The following TNS2 variants were observed in gnomAD, a reference collection of about 807,000 sequenced individuals.
The protein encoded by TNS2 is tensin-2.
Under a neutral mutation model 155.7 loss-of-function variants are expected in TNS2, and 77 were observed. That is an observed-to-expected ratio of 0.49 (90% CI 0.41 to 0.60). TNS2 has a LOEUF of 0.60. Among genes scored for constraint, TNS2 ranks in the 20% least tolerant of loss-of-function variants. The probability of loss-of-function intolerance (pLI) is 0.00; values close to 1 mark genes in which losing one functional copy is unlikely to be tolerated. For missense variants in TNS2, 1,703 were observed against 1,868.8 expected (o/e 0.91, Z 1.64); for synonymous variants, 726 against 763.9 (o/e 0.95, Z 0.82).
chr12:53,061,463 G>T lies in TNS2; in HGVS notation c.3442G>T (p.Asp1148Tyr). 1 of 1,614,044 alleles carries T rather than the reference G, an allele frequency of 6.2e-7. No individual in the cohort carries two copies. The highest frequency in any genetic ancestry group is 1.1e-5 in the South Asian group (1 of 91,076). Residue 1148 changes from aspartate (D) to tyrosine (Y), a missense_variant, in exon 21 of 29, where the codon GAC becomes TAC. Physicochemically the swap from Asp to Tyr is radical, Grantham distance 160. Coordinates refer to ENST00000314250, the MANE Select transcript of TNS2 (RefSeq NM_170754.4). Reference sequence around the variant, plus strand: ...CTGGTACAAGCCACACCTGTCCCGTGACCAAGGTGAGAAGCCAGCCTGCCC... The same window carrying T: ...CTGGTACAAGCCACACCTGTCCCGTTACCAAGGTGAGAAGCCAGCCTGCCC... ...KFWYKPHLSRDQAIALLKDKD... is the reference protein window; with the variant it reads ...KFWYKPHLSRYQAIALLKDKD...
At chr12:53,057,210 A>C (rs1944192073) in intron 11 of TNS2, 114 bp downstream of exon 11, 1 of 1,174,024 alleles carries the variant, frequency 8.5e-7, no homozygotes, top group Non-Finnish European at 1.2e-6. Context: ...GCGCCGTGCC[A>C]GGTGCTGAGA....
At chr12:53,056,894 C>G (rs116376439) in intron 10 of TNS2, 119 bp from the exon 11 acceptor site, 13 of 937,884 alleles carry the variant, frequency 1.4e-5, no homozygotes, top group Non-Finnish European at 2.0e-5. Context: ...ATTACCACTA[C>G]TCTGGGCTTC....
At chr12:53,055,106 T>C in intron 7 of TNS2, 80 bp from the exon 8 acceptor site, 1 of 1,506,054 alleles carries the variant, frequency 6.6e-7, no homozygotes, top group African/African-American at 1.4e-5. Flanking sequence ...TAGAGGAAGA[T>C]TCTTACTTAG....
intron 24 of TNS2, 24 bp downstream of exon 24, chr12:53,062,477 C>T (rs780533217): frequency 2.5e-6 from 4 of 1,612,734 alleles, no homozygotes; most frequent in Admixed American, 3.3e-5. Flanking sequence ...CATCTGTCCT[C>T]CCCACCTCTC....
In TNS2 at chr12:53,063,726, C is replaced by A; in HGVS notation, c.4092-18C>A. On this transcript the variant is annotated intron_variant, in intron 28 of 28. Coordinates refer to ENST00000314250, the MANE Select transcript of TNS2 (RefSeq NM_170754.4). This position sits in a 1 kb window ranked among gnomAD's most constrained non-coding sequence, Gnocchi z 5.6. ...TGGAAGGAATGTTAAGCCCCTTCCC[C>A]ACCCTTTATCCCCCTAGGATCTTTG... The A allele has an allele frequency of 6.2e-7, 1 of 1,613,836 alleles. No homozygotes were observed.
At position 53,057,678 on chromosome 12, in the gene TNS2, A is replaced by G; in HGVS notation, c.957A>G (p.Thr319=). 1 of 1,614,150 alleles carries G rather than the reference A, an allele frequency of 6.2e-7. No homozygotes were observed. Among genetic ancestry groups the G allele is most frequent in the Non-Finnish European group, 8.5e-7 (1 of 1,179,986 alleles). ...TGCTGCCAGCCTTTGAACCTGGCAC[A>G]GGTGAGTCTGCCTGAGATGTGCTCC... ...IPMLPAFEPG[T]GFQPFLKIYQ... The change falls in exon 12 of 29, where the codon ACA becomes ACG. Residue 319 remains threonine, a splice_region_variant and synonymous_variant. Transcript: ENST00000314250.
In TNS2 at chr12:53,059,515, G is replaced by A; in HGVS notation, c.1874G>A (p.Gly625Asp). The change falls in exon 18 of 29, where the codon GGC (glycine) becomes GAC (aspartate). Residue 625 changes from glycine (G) to aspartate (D), a missense_variant. Physicochemically the swap from Gly to Asp is moderately conservative, Grantham distance 94 (BLOSUM62 -1). Coordinates refer to ENST00000314250, the MANE Select transcript of TNS2 (RefSeq NM_170754.4). The surrounding 1 kb of genome is among the most constrained non-coding windows in gnomAD (Gnocchi z 4.7). Reference protein sequence around the residue: ...TLERRRLAYGGYEGSPQGYAE... With the variant: ...TLERRRLAYGDYEGSPQGYAE... ...GAGAGGAGGCGACTGGCCTACGGGG[G>A]CTATGAGGGATCCCCCCAGGGCTAC... is the stretch of plus-strand genomic sequence containing the variant. 3.2e-6 allele frequency: 5 copies of A among 1,582,396 alleles called. No homozygotes were observed. In the South Asian group the frequency reaches 4.6e-5, roughly 15 times the overall value.
At chr12:53,054,222 C>T (rs1028123516) in intron 6 of TNS2, 48 bp from the exon 7 acceptor site, 16 of 1,609,210 alleles carry the variant, frequency 9.9e-6, no homozygotes, top group Non-Finnish European at 1.4e-5. Context: ...CACTAGCCAC[C>T]TCCGGGTGCC....
At chr12:53,052,576 A>G in intron 3 of TNS2, 84 bp downstream of exon 3, 1 of 1,561,950 alleles carries the variant, frequency 6.4e-7, no homozygotes, top group Non-Finnish European at 8.8e-7. Flanking sequence ...CCACACTGGC[A>G]TCAACCCTCC....
chr12:53,052,126 C>A (rs1205534485), intron 2 of TNS2, 163 bp downstream of exon 2: 23 of 636,336 alleles, frequency 3.6e-5, no homozygotes, highest in Non-Finnish European at 5.7e-5. Flanking sequence ...ATGGCCCTGG[C>A]TCCCCATGAC....
In TNS2 at chr12:53,057,758, C is replaced by A; in HGVS notation, c.959-15C>A. ...ACTCAGCACCCCTCCTGTGCCTTCT[C>A]CTCTGCCCCTCCAGGCTTCCAGCCC... is the stretch of plus-strand genomic sequence containing the variant. On this transcript the variant is annotated splice_polypyrimidine_tract_variant and intron_variant, in intron 12 of 28. Transcript: ENST00000314250. 1 of 1,614,176 alleles carries A rather than the reference C, an allele frequency of 6.2e-7. No individual in the cohort carries two copies. Among genetic ancestry groups the A allele is most frequent in the Non-Finnish European group, 8.5e-7 (1 of 1,180,008 alleles).
chr12:53,055,047 G>A lies in TNS2; in HGVS notation c.523-139G>A. On this transcript the variant is annotated intron_variant, in intron 7 of 28. Transcript: ENST00000314250. ...GACCCGCCCGCCTTGGTCTCCCAAA[G>A]TGCTGGGGTTATAGGCGTGAGTTAC... 4 of 931,730 alleles carry A rather than the reference G, an allele frequency of 4.3e-6. No individual in the cohort carries two copies. In the South Asian group the frequency reaches 6.2e-5, roughly 15 times the overall value. 57.7% of individuals were successfully genotyped at this position (931,730 alleles called of 1,614,324 possible).
At position 53,060,274 on chromosome 12, in the gene TNS2, G is replaced by A. The variant is rs1228818933; in HGVS notation, c.2617+16G>A. The A allele has an allele frequency of 6.5e-7, 1 of 1,538,692 alleles. No homozygotes were observed. The highest frequency in any genetic ancestry group is 8.8e-7 in the Non-Finnish European group (1 of 1,142,348). On this transcript the variant is annotated intron_variant, in intron 18 of 28. Coordinates refer to ENST00000314250, the MANE Select transcript of TNS2 (RefSeq NM_170754.4). This position sits in a 1 kb window ranked among gnomAD's most constrained non-coding sequence, Gnocchi z 6.1. Reference sequence around the variant, plus strand: ...GCATCTGCAGGTGAGGGGCACCAGAGTGCGGAGTGCCCAGGGCAGAGGAGG... The same window carrying A: ...GCATCTGCAGGTGAGGGGCACCAGAATGCGGAGTGCCCAGGGCAGAGGAGG...
At chr12:53,049,740 C>A (rs538372963), upstream of TNS2, among the ~76,000 whole-genome samples, 1 of 152,258 alleles carries the variant, frequency 6.6e-6, no homozygotes, top group South Asian at 2.1e-4. Context: ...GGCTGGGACA[C>A]ACTGTTCCCC....
chr12:53,060,299 G>T lies in TNS2; in HGVS notation c.2617+41G>T, dbSNP rs1462207899. 6.5e-7 allele frequency: 1 copy of T among 1,549,114 alleles called. No homozygotes were observed. Among genetic ancestry groups the T allele is most frequent in the Admixed American group, 1.8e-5 (1 of 55,728 alleles). On this transcript the variant is annotated intron_variant, in intron 18 of 28. Transcript: ENST00000314250. The surrounding 1 kb of genome is among the most constrained non-coding windows in gnomAD (Gnocchi z 6.1). Reference sequence around the variant, plus strand: ...GTGCGGAGTGCCCAGGGCAGAGGAGGTTCTGGAAGATGGTGGGGAAGTCAA... The same window carrying T: ...GTGCGGAGTGCCCAGGGCAGAGGAGTTTCTGGAAGATGGTGGGGAAGTCAA...
Position 53,059,232 on chromosome 12 carries a change from C to T in TNS2, c.1591C>T (p.Pro531Ser). Reference protein sequence around the residue: ...TEPAAESPGRPPPTAAERQEL... With the variant: ...TEPAAESPGRSPPTAAERQEL... The stretch of plus-strand genomic sequence containing the variant: ...GCCGGCTGCTGAGTCCCCTGGCCGG[C>T]CGCCCCCTACAGCTGCTGAACGGCA... The change falls in exon 18 of 29, where the codon CCG (proline) becomes TCG (serine). Residue 531 changes from proline (P) to serine (S), a missense_variant. Transcript: ENST00000314250. This position sits in a 1 kb window ranked among gnomAD's most constrained non-coding sequence, Gnocchi z 4.7. The T allele has an allele frequency of 1.3e-6, 2 of 1,542,538 alleles. No individual in the cohort carries two copies. Among genetic ancestry groups the T allele is most frequent in the Admixed American group, 2.1e-5 (1 of 47,876 alleles).
At chr12:53,053,551 G>A (rs1037609221) in intron 4 of TNS2, 102 bp downstream of exon 4, 7 of 1,479,674 alleles carry the variant, frequency 4.7e-6, no homozygotes, top group Middle Eastern at 1.7e-4. Context: ...GACCTTGAAC[G>A]GAGTGCTGTG....
intron 1 of TNS2, among the ~76,000 whole-genome samples, chr12:53,051,444 TA>T (rs966634129): frequency 1.3e-5 from 2 of 152,160 alleles, no homozygotes; most frequent in African/African-American, 2.4e-5. Context: ...AGGACTGACA[TA>T]CAACACATAT....
intron 7 of TNS2, 97 bp downstream of exon 7, chr12:53,054,538 C>A: frequency 7.3e-7 from 1 of 1,364,204 alleles, no homozygotes; most frequent in Non-Finnish European, 9.6e-7. Flanking sequence ...GGCGAGGCCG[C>A]CAGGGGGCGG....
Sources: gnomAD v4.1 joint callset for allele counts (sites outside exome capture counted in the v4.1 genomes callset) on GRCh38, gnomAD v4.1.1 for gene constraint, Gnocchi (gnomAD v3.1) non-coding constraint, MANE v1.5 for transcripts, NCBI Gene and HGNC (gene_info 2026-07-23, HGNC 2026-07-21) for gene names.